XRCC1: variants seen among roughly 807,000 people sequenced by gnomAD.
XRCC1 encodes DNA repair protein XRCC1.
A neutral mutation model predicts 83.3 loss-of-function variants in XRCC1; 52 were observed. The ratio of observed to expected loss-of-function variants is 0.62; its 90% CI spans 0.50 to 0.79. The LOEUF (loss-of-function observed/expected upper bound fraction) is 0.79, where lower values mean the gene tolerates loss of function less well. XRCC1 is among the 30% of genes least tolerant of loss of function. The probability of loss-of-function intolerance (pLI) is 0.00; values close to 1 mark genes in which losing one functional copy is unlikely to be tolerated. For missense variants in XRCC1, 793 were observed against 823.5 expected (o/e 0.96, Z 0.45); for synonymous variants, 281 against 312.6 (o/e 0.90, Z 1.07).
intron 15 of XRCC1, 44 bp downstream of exon 15, chr19:43,544,100 T>A: frequency 6.6e-7 from 1 of 1,511,772 alleles, no homozygotes; most frequent in Non-Finnish European, 9.0e-7. Context: ...GAGCGTTCCC[T>A]TGGATCCATC....
intron 6 of XRCC1, 130 bp downstream of exon 6, chr19:43,553,271 C>T (rs954140864): frequency 2.5e-6 from 3 of 1,190,878 alleles, no homozygotes; most frequent in Non-Finnish European, 1.2e-6. Context: ...ACCCTGAGAC[C>T]CAGGAGTCCA....
chr19:43,550,865 T>C (rs1359832567), intron 10 of XRCC1, among the ~76,000 whole-genome samples: 1 of 152,234 alleles, frequency 6.6e-6, no homozygotes, highest in Non-Finnish European at 1.5e-5. Context: ...GTTACAACAA[T>C]TCTGATCCCT....
At chr19:43,567,034 A>G (rs1476870696) in intron 2 of XRCC1, among the ~76,000 whole-genome samples, 1 of 152,192 alleles carries the variant, frequency 6.6e-6, no homozygotes, top group Non-Finnish European at 1.5e-5. Flanking sequence ...ACATGGATGA[A>G]CCTCAGAAAC....
In XRCC1 at chr19:43,550,723, G is replaced by A. The variant is rs548318943; in HGVS notation, c.1199+848C>T. 7.0e-4 allele frequency among the ~76,000 whole-genome samples: 106 copies of A among 152,292 alleles called. 1 individual carries two copies. The highest frequency in any genetic ancestry group is 1.2e-3 in the Non-Finnish European group (83 of 68,032). On this transcript the variant is annotated intron_variant, in intron 10 of 16. Coordinates refer to ENST00000262887, the MANE Select transcript of XRCC1 (RefSeq NM_006297.3). ...TCAGCCTCACCTACAACTCCAGGCA[G>A]ACAACAGGCTGACCTGACCTTGTCT...
In XRCC1 at chr19:43,549,208, A is replaced by G. The variant is rs3213382; in HGVS notation, c.1200-2231T>C. ...TAAAAAAAAAACTAAATTTGTGCTTATTAGGTATGGAGAGTCATCCTCTTG... is the reference window on the plus strand; with the variant it reads ...TAAAAAAAAAACTAAATTTGTGCTTGTTAGGTATGGAGAGTCATCCTCTTG... On this transcript the variant is annotated intron_variant, in intron 10 of 16. Coordinates refer to ENST00000262887, the MANE Select transcript of XRCC1 (RefSeq NM_006297.3). Among the ~76,000 whole-genome samples, 410 of 152,146 alleles carry G rather than the reference A, an allele frequency of 2.7e-3. 7 individuals carry two copies. In the East Asian group the frequency reaches 0.058, roughly 21 times the overall value.
At chr19:43,565,323 A>G (rs1018803756) in intron 2 of XRCC1, among the ~76,000 whole-genome samples, 6 of 152,086 alleles carry the variant, frequency 3.9e-5, no homozygotes, top group Admixed American at 3.3e-4. Flanking sequence ...GTCTGTTACG[A>G]CTCCAGTTTC....
In XRCC1 at chr19:43,543,354, G is replaced by A. The variant is rs531982119; in HGVS notation, c.*38C>T. ...TATTAAATGCATCGTGTGTGTGTGT[G>A]TGTGTGTGTGTGTGTGTGTGTGTGT... On this transcript the variant is annotated 3_prime_UTR_variant, in exon 17 of 17. Transcript: ENST00000262887. 6.3e-5 allele frequency: 74 copies of A among 1,176,828 alleles called. No individual in the cohort carries two copies. The Middle Eastern group carries it at 8.0e-4, about 13-fold the overall frequency. The allele number at this position is 1,176,828 out of a possible 1,614,324, so 72.9% of individuals were successfully genotyped here. A position where few individuals can be genotyped will look rare whatever the true frequency, so the allele number is the denominator to read the frequency against.
chr19:43,553,284 A>T, intron 6 of XRCC1, 117 bp downstream of exon 6: 1 of 1,253,114 alleles, frequency 8.0e-7, no homozygotes, highest in Non-Finnish European at 1.1e-6. Flanking sequence ...GGAGTCCAGG[A>T]CTCCACTACC....
intron 12 of XRCC1, 130 bp downstream of exon 12, chr19:43,546,465 C>T: frequency 9.0e-7 from 1 of 1,114,186 alleles, no homozygotes; most frequent in South Asian, 1.5e-5. Context: ...GGTCCCCAGG[C>T]TCTCTTCCCT....
At chr19:43,549,479 T>C (rs752674408) in intron 10 of XRCC1, among the ~76,000 whole-genome samples, 1 of 152,316 alleles carries the variant, frequency 6.6e-6, no homozygotes, top group East Asian at 1.9e-4. Context: ...CAGGCTGGTC[T>C]CAAACTCCTG....
At chr19:43,545,747 G>A in intron 14 of XRCC1, 71 bp downstream of exon 14, 1 of 1,582,856 alleles carries the variant, frequency 6.3e-7, no homozygotes, top group Non-Finnish European at 8.6e-7. Context: ...CCCAGGGCTG[G>A]CCAGGGCAAG....
At chr19:43,558,667 C>CATAA (rs1054950043) in intron 3 of XRCC1, among the ~76,000 whole-genome samples, 1 of 151,128 alleles carries the variant, frequency 6.6e-6, no homozygotes, top group Non-Finnish European at 1.5e-5. Context: ...TACATATATA[C>CATAA]ATAAATAAAT....
Position 43,552,888 on chromosome 19 carries a change from C to A in XRCC1, c.732G>T (p.Gly244=). Residue 244 remains glycine, a synonymous_variant, in exon 8 of 17, where the codon GGG becomes GGT. Transcript: ENST00000262887. ...CTTGGTTCAAATCCAACTTCCTCTT[C>A]CCTTTGGGAGACTCCTGGGGCTGAG... ...STSKPQESPK[G]KRKLDLNQEE... 6.2e-7 allele frequency: 1 copy of A among 1,613,468 alleles called. No individual in the cohort carries two copies. Among genetic ancestry groups the A allele is most frequent in the East Asian group, 2.2e-5 (1 of 44,878 alleles).
intron 2 of XRCC1, among the ~76,000 whole-genome samples, chr19:43,562,352 G>A (rs1045407931): frequency 1.1e-4 from 17 of 152,052 alleles, no homozygotes. Context: ...CTCAAATACA[G>A]CAATGCCATT....
intron 3 of XRCC1, among the ~76,000 whole-genome samples, chr19:43,560,506 T>G (rs971273946): frequency 6.6e-6 from 1 of 151,710 alleles, no homozygotes; most frequent in Non-Finnish European, 1.5e-5. Context: ...CTGGCTTTGA[T>G]GAAGGAAGGG....
Position 43,562,912 on chromosome 19 carries a change from A to G in XRCC1, c.145-1892T>C, listed in dbSNP as rs140693619. On this transcript the variant is annotated intron_variant, in intron 2 of 16. Coordinates refer to ENST00000262887, the MANE Select transcript of XRCC1 (RefSeq NM_006297.3). The stretch of plus-strand genomic sequence containing the variant: ...GCAATGGCTCTGCCAGGCAGTTGCT[A>G]TAATTATCTCCATCTTACACATGAG... 3.9e-3 allele frequency among the ~76,000 whole-genome samples: 589 copies of G among 152,332 alleles called. 1 individual carries two copies. Among genetic ancestry groups the G allele is most frequent in the African/African-American group, 0.013 (544 of 41,578 alleles).
chr19:43,564,443 T>C (rs3213307), intron 2 of XRCC1, among the ~76,000 whole-genome samples: 124 of 152,246 alleles, frequency 8.1e-4, no homozygotes, highest in Non-Finnish European at 1.4e-3. Flanking sequence ...AGGTGCTTGG[T>C]GTATGAGTTT....
rs994459229 is a variant in XRCC1 at position 43,551,924 on chromosome 19, A to G, written c.1082+93T>C. ...CAAGTGAGAGAGAGAGAAAGCATGCAGCATAGTGGACACAGAGAAAGCACA... is the reference window on the plus strand; with the variant it reads ...CAAGTGAGAGAGAGAGAAAGCATGCGGCATAGTGGACACAGAGAAAGCACA... On this transcript the variant is annotated intron_variant, in intron 9 of 16. Coordinates refer to ENST00000262887, the MANE Select transcript of XRCC1 (RefSeq NM_006297.3). 41 of 1,362,130 alleles carry G rather than the reference A, an allele frequency of 3.0e-5. No homozygotes were observed. In the East Asian group the frequency reaches 9.0e-4, roughly 30 times the overall value. 84.4% of individuals were successfully genotyped at this position (1,362,130 alleles called of 1,614,324 possible).
At position 43,552,781 on chromosome 19, in the gene XRCC1, GA is replaced by G; in HGVS notation, c.823+15del. 2 of 1,586,472 alleles carry G rather than the reference GA, an allele frequency of 1.3e-6. No homozygotes were observed. Among genetic ancestry groups the G allele is most frequent in the South Asian group, 2.3e-5 (2 of 86,592 alleles). On this transcript the variant is annotated intron_variant, in intron 8 of 16. Transcript: ENST00000262887. ...AGCACAGGCCCCTGTGGAAACAAGG[GA>G]TCTAGTTAGCTCACATTTAGGTCTC...
Sources: gnomAD v4.1 joint callset for allele counts (sites outside exome capture counted in the v4.1 genomes callset) on GRCh38, gnomAD v4.1.1 for gene constraint, MANE v1.5 for transcripts, NCBI Gene and HGNC (gene_info 2026-07-23, HGNC 2026-07-21) for gene names.